Variants in SLC8A1 observed in about 807,000 individuals in gnomAD.
SLC8A1 encodes sodium/calcium exchanger 1.
A neutral mutation model predicts 68.3 loss-of-function variants in SLC8A1; 18 were observed. That is an observed-to-expected ratio of 0.26 (90% CI 0.18 to 0.39). The LOEUF (loss-of-function observed/expected upper bound fraction) is 0.39. SLC8A1 is among the 10% of genes least tolerant of loss of function. The pLI is 1.00. For synonymous variants in SLC8A1, 475 were observed against 415.5 expected, an observed-to-expected ratio of 1.14 and a Z score of -1.74; for missense variants, 985 against 1,156.7, an observed-to-expected ratio of 0.85 and a Z score of 2.15.
intron 6 of SLC8A1, among the ~76,000 whole-genome samples, chr2:40,158,492 A>G (rs2045024943): frequency 6.6e-6 from 1 of 152,234 alleles, no homozygotes; most frequent in Admixed American, 6.5e-5. Flanking sequence ...ATTTAGAAAC[A>G]TAAAGCACAA....
At chr2:40,369,533 G>A (rs951352954) in intron 2 of SLC8A1, among the ~76,000 whole-genome samples, 1 of 152,076 alleles carries the variant, frequency 6.6e-6, no homozygotes, top group African/African-American at 2.4e-5. Context: ...TCCACCAGTT[G>A]TCTGTGGATG....
At chr2:40,461,170 T>A (rs1036996794) in intron 1 of SLC8A1, among the ~76,000 whole-genome samples, 2 of 152,164 alleles carry the variant, frequency 1.3e-5, no homozygotes, top group African/African-American at 4.8e-5. Context: ...CACATATAAT[T>A]TCTATAAAGT....
intron 2 of SLC8A1, chr2:40,250,264 C>A (rs1326988208): frequency 6.6e-6 from 1 of 152,108 alleles, no homozygotes; most frequent in African/African-American, 2.4e-5. Flanking sequence ...TTGCTCTGGA[C>A]AACAGACAAA....
At chr2:40,180,082 A>G (rs2049186136) in intron 2 of SLC8A1, among the ~76,000 whole-genome samples, 2 of 152,126 alleles carry the variant, frequency 1.3e-5, no homozygotes, top group Admixed American at 1.3e-4. Context: ...AACACACTAG[A>G]TGAACAGCTA....
chr2:40,228,281 A>C (rs535929351), intron 2 of SLC8A1, among the ~76,000 whole-genome samples: 52 of 152,212 alleles, frequency 3.4e-4, no homozygotes, highest in African/African-American at 1.2e-3. Flanking sequence ...TGCCTATGCA[A>C]AGATCACATA....
intron 2 of SLC8A1, among the ~76,000 whole-genome samples, chr2:40,318,628 A>G (rs1315170306): frequency 1.3e-5 from 2 of 152,046 alleles, no homozygotes; most frequent in African/African-American, 4.8e-5. Context: ...AGTGCCCCCT[A>G]TAAATGTAGA....
upstream of SLC8A1, among the ~76,000 whole-genome samples, chr2:40,455,470 C>A (rs1280655687): frequency 1.3e-5 from 2 of 152,184 alleles, no homozygotes; most frequent in African/African-American, 4.8e-5. Context: ...CACCTCATTT[C>A]TTACTCTGCC....
At chr2:40,205,850 A>C (rs551822869) in intron 2 of SLC8A1, among the ~76,000 whole-genome samples, 1 of 151,862 alleles carries the variant, frequency 6.6e-6, no homozygotes, top group Admixed American at 6.6e-5. Context: ...TCTTCTCCTA[A>C]ATTTAGGCAA....
rs181211890 is a variant in SLC8A1 at position 40,337,127 on chromosome 2, A to G, written c.1808+91346T>C. Among the ~76,000 whole-genome samples, 31 of 152,292 alleles carry G rather than the reference A, an allele frequency of 2.0e-4. No individual in the cohort carries two copies. The Middle Eastern group carries it at 0.024, about 117-fold the overall frequency. ...TACATATAAGCATGATAATTGTGTA[A>G]GCGTTTTAACTAATGTGCTGACCAT... On this transcript the variant is annotated intron_variant, in intron 2 of 7. Transcript: ENST00000406785.
chr2:40,424,889 G>A (rs1696454828), intron 2 of SLC8A1, among the ~76,000 whole-genome samples: 1 of 151,714 alleles, frequency 6.6e-6, no homozygotes, highest in Non-Finnish European at 1.5e-5. Flanking sequence ...AAACAGTTAA[G>A]CTAATGTTAG....
At chr2:40,335,906 G>C (rs1311123140) in intron 2 of SLC8A1, among the ~76,000 whole-genome samples, 1 of 152,224 alleles carries the variant, frequency 6.6e-6, no homozygotes, top group Non-Finnish European at 1.5e-5. Context: ...ATTAAGTTTA[G>C]AAAGCACTAC....
chr2:40,190,602 A>G (rs1473736751), intron 2 of SLC8A1: 1 of 152,186 alleles, frequency 6.6e-6, no homozygotes, highest in Non-Finnish European at 1.5e-5. Context: ...GTACCATTTC[A>G]TCATTGTCCG....
intron 2 of SLC8A1, among the ~76,000 whole-genome samples, chr2:40,402,298 C>T (rs959264974): frequency 6.6e-6 from 1 of 152,172 alleles, no homozygotes; most frequent in Admixed American, 6.5e-5. Context: ...CATGTATGGT[C>T]TAAACAGGGA....
At chr2:40,447,838 T>A (rs547424656) in intron 1 of SLC8A1, among the ~76,000 whole-genome samples, 16 of 152,220 alleles carry the variant, frequency 1.1e-4, no homozygotes, top group Non-Finnish European at 1.9e-4. Context: ...TTGCCCTTGA[T>A]CACAAAAGCA....
chr2:40,243,060 G>A (rs1299619765), intron 2 of SLC8A1, among the ~76,000 whole-genome samples: 1 of 152,184 alleles, frequency 6.6e-6, no homozygotes, highest in African/African-American at 2.4e-5. Flanking sequence ...TGAATGTCCA[G>A]TAAAAGCAGG....
intron 6 of SLC8A1, among the ~76,000 whole-genome samples, chr2:40,151,994 G>T (rs969350126): frequency 6.6e-6 from 1 of 152,146 alleles, no homozygotes; most frequent in Non-Finnish European, 1.5e-5. Context: ...AAGGATGAAT[G>T]GCTATTGAAT....
chr2:40,412,157 G>A (rs13017237), intron 2 of SLC8A1, among the ~76,000 whole-genome samples: 20,911 of 151,978 alleles, frequency 0.14, 2,603 homozygotes, highest in East Asian at 0.66. Context: ...TACTCTTCAT[G>A]TTACACAGGC....
At chr2:40,098,184 G>C (rs1402849051) in exon 8 of SLC8A1, 3 of 152,012 alleles carry the variant, frequency 2.0e-5, no homozygotes, top group Non-Finnish European at 4.4e-5. Context: ...AAGTCAGTAA[G>C]ATTGATATTT....
exon 8 of SLC8A1, chr2:40,109,627 T>C (rs1179928064): frequency 3.9e-5 from 6 of 152,204 alleles, no homozygotes; most frequent in African/African-American, 7.2e-5. Flanking sequence ...ATAAGCTCTT[T>C]CCCTATTGCC....
Sources: allele counts gnomAD v4.1 joint callset (sites outside exome capture counted in the v4.1 genomes callset), GRCh38; gene constraint gnomAD v4.1.1; transcripts MANE v1.5; gene names NCBI Gene and HGNC (gene_info 2026-07-23, HGNC 2026-07-21).